Variants in GMDS observed in about 807,000 individuals in gnomAD.
GMDS encodes GDP-mannose 4,6 dehydratase.
Under a neutral mutation model 49.9 loss-of-function variants are expected in GMDS, and 20 were observed. That is an observed-to-expected ratio of 0.40 (90% CI 0.28 to 0.58). GMDS has a LOEUF of 0.58. GMDS is among the 20% of genes least tolerant of loss of function. The probability of loss-of-function intolerance (pLI) is 0.42; values close to 1 mark genes in which losing one functional copy is unlikely to be tolerated. For synonymous variants in GMDS, 177 were observed against 178.6 expected (o/e 0.99, Z 0.07); for missense variants, 362 against 481.4 (o/e 0.75, Z 2.32).
chr6:2,044,115 G>A (rs1769849912), intron 4 of GMDS, among the ~76,000 whole-genome samples: 1 of 152,062 alleles, frequency 6.6e-6, no homozygotes, highest in Non-Finnish European at 1.5e-5. Flanking sequence ...ACTGCTGGTG[G>A]GCATATAAAT....
chr6:2,153,695 T>G (rs535735351), intron 1 of GMDS, among the ~76,000 whole-genome samples: 1 of 152,156 alleles, frequency 6.6e-6, no homozygotes, highest in Non-Finnish European at 1.5e-5. Flanking sequence ...AACCCCACTG[T>G]GATAAGGTGT....
At chr6:1,738,053 C>CCA (rs1206542736) in intron 8 of GMDS, among the ~76,000 whole-genome samples, 1 of 140,052 alleles carries the variant, frequency 7.1e-6, no homozygotes, top group African/African-American at 2.7e-5. Context: ...ACCACATACA[C>CCA]CACACACATA....
intron 6 of GMDS, among the ~76,000 whole-genome samples, chr6:1,937,601 G>C (rs932243158): frequency 6.6e-6 from 1 of 152,278 alleles, no homozygotes; most frequent in South Asian, 2.1e-4. Flanking sequence ...TCCTTGGCTT[G>C]TGGTCCAATC....
At chr6:1,961,565 G>A (rs549382252) in intron 4 of GMDS, among the ~76,000 whole-genome samples, 1 of 152,108 alleles carries the variant, frequency 6.6e-6, no homozygotes, top group Non-Finnish European at 1.5e-5. Flanking sequence ...CGAATGCTGA[G>A]GAATAATTCG....
chr6:2,047,308 G>T (rs962377513), intron 4 of GMDS, among the ~76,000 whole-genome samples: 3 of 152,152 alleles, frequency 2.0e-5, no homozygotes, highest in African/African-American at 7.2e-5. Flanking sequence ...TCCTTGTGAA[G>T]TGGATTCACC....
chr6:1,675,685 T>C (rs1461353843), intron 9 of GMDS, among the ~76,000 whole-genome samples: 1 of 152,054 alleles, frequency 6.6e-6, no homozygotes, highest in Non-Finnish European at 1.5e-5. Context: ...ACCCCATCTC[T>C]ACTAAAAATA....
intron 7 of GMDS, among the ~76,000 whole-genome samples, chr6:1,906,629 G>A (rs1441820262): frequency 6.6e-6 from 1 of 152,164 alleles, no homozygotes; most frequent in African/African-American, 2.4e-5. Flanking sequence ...AGTGGGGTGT[G>A]AAGCCCAAAA....
At chr6:1,953,276 G>A (rs74481519) in intron 6 of GMDS, among the ~76,000 whole-genome samples, 4,012 of 151,864 alleles carry the variant, frequency 0.026, 168 homozygotes, top group African/African-American at 0.091. Flanking sequence ...AAATCAAAGC[G>A]GCTAATTCTA....
At chr6:1,970,067 A>T (rs1034334135) in intron 4 of GMDS, among the ~76,000 whole-genome samples, 1 of 152,250 alleles carries the variant, frequency 6.6e-6, no homozygotes, top group African/African-American at 2.4e-5. Flanking sequence ...CCATTTAAAA[A>T]ATCTCAATGA....
chr6:1,750,791 C>A (rs1767691510), intron 7 of GMDS, among the ~76,000 whole-genome samples: 1 of 152,170 alleles, frequency 6.6e-6, no homozygotes, highest in Non-Finnish European at 1.5e-5. Flanking sequence ...AGATCCCACC[C>A]CCATGGTGCC....
chr6:1,654,932 G>A (rs575619682), intron 9 of GMDS, among the ~76,000 whole-genome samples: 55 of 151,764 alleles, frequency 3.6e-4, no homozygotes, highest in Admixed American at 3.0e-3. Flanking sequence ...GTGGTGGTGC[G>A]CACTTGTAGT....
At chr6:1,978,688 A>G (rs1042575966) in intron 4 of GMDS, among the ~76,000 whole-genome samples, 2 of 152,078 alleles carry the variant, frequency 1.3e-5, no homozygotes, top group Non-Finnish European at 2.9e-5. Context: ...GGCCATGGAG[A>G]GCCCAAACCA....
At position 1,998,780 on chromosome 6, in the gene GMDS, C is replaced by T. The variant is rs904947527; in HGVS notation, c.346-37814G>A. Among the ~76,000 whole-genome samples, 3 of 152,084 alleles carry T rather than the reference C, an allele frequency of 2.0e-5. No individual in the cohort carries two copies. The East Asian group carries it at 5.8e-4, about 29-fold the overall frequency. Reference sequence around the variant, plus strand: ...CATCATTTTACATAAGCAACTTGGGCATCCATGGATTTTGGTATCCAAGAA... The same window carrying T: ...CATCATTTTACATAAGCAACTTGGGTATCCATGGATTTTGGTATCCAAGAA... On this transcript the variant is annotated intron_variant, in intron 4 of 10. Transcript: ENST00000380815.
intron 7 of GMDS, among the ~76,000 whole-genome samples, chr6:1,759,212 A>C (rs1768069943): frequency 6.6e-6 from 1 of 152,212 alleles, no homozygotes; most frequent in African/African-American, 2.4e-5. Flanking sequence ...TGGGGAAGGA[A>C]GACTGATAGG....
intron 7 of GMDS, among the ~76,000 whole-genome samples, chr6:1,780,487 G>A (rs1406516834): frequency 1.3e-5 from 2 of 152,192 alleles, no homozygotes; most frequent in African/African-American, 2.4e-5. Flanking sequence ...GGGAGAGGAC[G>A]GCATGGCAGG....
chr6:2,084,889 C>T (rs1243125625), intron 4 of GMDS, among the ~76,000 whole-genome samples: 1 of 152,140 alleles, frequency 6.6e-6, no homozygotes, highest in Non-Finnish European at 1.5e-5. Context: ...AGGACTATCC[C>T]CTTCATCAGA....
chr6:2,223,405 G>A (rs1168381388), intron 1 of GMDS, among the ~76,000 whole-genome samples: 2 of 151,840 alleles, frequency 1.3e-5, no homozygotes, highest in Non-Finnish European at 2.9e-5. Flanking sequence ...TTTAAGCTGA[G>A]GAGCGACCAT....
intron 7 of GMDS, among the ~76,000 whole-genome samples, chr6:1,928,970 AAAATAAATAAAT>A (rs36003101): frequency 6.8e-6 from 1 of 148,036 alleles, no homozygotes; most frequent in Non-Finnish European, 1.5e-5. Context: ...CTCTGTCTCA[AAAATAAATAAAT>A]AAATAAATAA....
chr6:1,660,938 T>A (rs913162998), intron 9 of GMDS, among the ~76,000 whole-genome samples: 2 of 151,488 alleles, frequency 1.3e-5, no homozygotes, highest in African/African-American at 4.9e-5. Context: ...TGGCCTCCAT[T>A]TCCTCCCATC....
Sources: gnomAD v4.1 joint callset for allele counts (sites outside exome capture counted in the v4.1 genomes callset) on GRCh38, gnomAD v4.1.1 for gene constraint, MANE v1.5 for transcripts, NCBI Gene and HGNC (gene_info 2026-07-23, HGNC 2026-07-21) for gene names.